The following ESR2 variants were observed in gnomAD, a reference collection of about 807,000 sequenced individuals.
ESR2 encodes estrogen receptor beta.
In ESR2, 36 loss-of-function variants were observed where a neutral mutation model predicts 49.6. The ratio of observed to expected loss-of-function variants is 0.73; its 90% CI spans 0.56 to 0.96. The LOEUF (loss-of-function observed/expected upper bound fraction) is 0.96. Ranked by LOEUF, ESR2 falls within the 40% of genes least tolerant of loss-of-function variation. The probability of loss-of-function intolerance (pLI) is 0.00; values close to 1 mark genes in which losing one functional copy is unlikely to be tolerated. For missense variants in ESR2, 714 were observed against 693.0 expected (o/e 1.03, Z -0.34); for synonymous variants, 320 against 266.1 (o/e 1.20, Z -1.97).
intron 3 of ESR2, among the ~76,000 whole-genome samples, chr14:64,278,203 A>G (rs2076595242): frequency 6.6e-6 from 1 of 152,252 alleles, no homozygotes; most frequent in Admixed American, 6.5e-5. Context: ...ATATTTGAGC[A>G]CTGAATATGT....
rs1292696981 is a variant in ESR2 at position 64,229,646 on chromosome 14, C to G, written c.*3491G>C. ...ACTGTTTGAAGTGCATGGTCACTGT[C>G]AGCACTGGACTTGGACTGCCTGTGT... On this transcript the variant is annotated 3_prime_UTR_variant, in exon 9 of 9. Transcript: ENST00000341099. 6.6e-6 allele frequency among the ~76,000 whole-genome samples: 1 copy of G among 152,200 alleles called. No individual in the cohort carries two copies. Among genetic ancestry groups the G allele is most frequent in the African/African-American group, 2.4e-5 (1 of 41,454 alleles).
At chr14:64,295,773 T>G (rs910260432), upstream of ESR2, among the ~76,000 whole-genome samples, 1 of 152,142 alleles carries the variant, frequency 6.6e-6, no homozygotes, top group African/African-American at 2.4e-5. Context: ...TGGCCAGGCA[T>G]GGTGGCTCAC....
chr14:64,322,100 C>T (rs1204601229), intron 1 of ESR2, among the ~76,000 whole-genome samples: 2 of 151,966 alleles, frequency 1.3e-5, no homozygotes, highest in Admixed American at 1.3e-4. Context: ...CTCTTGTCAC[C>T]CAGGCTGGAG....
chr14:64,264,215 A>T (rs1263337481), intron 4 of ESR2, among the ~76,000 whole-genome samples: 2 of 152,214 alleles, frequency 1.3e-5, no homozygotes, highest in African/African-American at 2.4e-5. Context: ...TTACATTTTT[A>T]AAAATAAATA....
chr14:64,275,776 G>A (rs2076547016), intron 3 of ESR2, among the ~76,000 whole-genome samples: 1 of 152,090 alleles, frequency 6.6e-6, no homozygotes, highest in Admixed American at 6.6e-5. Flanking sequence ...CTCAAAATAT[G>A]AGGTTACAAA....
At position 64,284,682 on chromosome 14, in the gene ESR2, C is replaced by T. The variant is rs116240124; in HGVS notation, c.-90-1607G>A. Among the ~76,000 whole-genome samples, 534 of 152,124 alleles carry T rather than the reference C, an allele frequency of 3.5e-3. 9 individuals are homozygous for T. The highest frequency in any genetic ancestry group is 0.013 in the African/African-American group (520 of 41,474). On this transcript the variant is annotated intron_variant, in intron 1 of 8. Transcript: ENST00000341099. ...AATTCATCACTTTCTTTCCCAAAACCACTCATTTCCTATTTGTGTTAATAG... is the reference window on the plus strand; with the variant it reads ...AATTCATCACTTTCTTTCCCAAAACTACTCATTTCCTATTTGTGTTAATAG...
At chr14:64,277,383 T>C (rs866869043) in intron 3 of ESR2, among the ~76,000 whole-genome samples, 3 of 152,062 alleles carry the variant, frequency 2.0e-5, no homozygotes, top group Non-Finnish European at 4.4e-5. Flanking sequence ...CCCAGCACTT[T>C]GGGAGGCCGA....
intron 8 of ESR2, 61 bp from the exon 9 acceptor site, chr14:64,233,384 C>G (rs1252990957): frequency 1.3e-6 from 2 of 1,526,656 alleles, no homozygotes; most frequent in African/African-American, 1.4e-5. Context: ...AACCCCGAAG[C>G]CTTCCCCGGC....
At chr14:64,261,930 T>C (rs554301344) in intron 4 of ESR2, among the ~76,000 whole-genome samples, 12 of 152,174 alleles carry the variant, frequency 7.9e-5, no homozygotes, top group African/African-American at 2.6e-4. Context: ...TTTTAAATTT[T>C]TTTGTAGAAC....
At chr14:64,265,341 T>C (rs931463381) in intron 4 of ESR2, among the ~76,000 whole-genome samples, 1 of 152,232 alleles carries the variant, frequency 6.6e-6, no homozygotes, top group African/African-American at 2.4e-5. Flanking sequence ...AGGCATTGCA[T>C]ATTGCACATG....
At chr14:64,290,873 A>T (rs930160578) in intron 1 of ESR2, among the ~76,000 whole-genome samples, 1 of 152,194 alleles carries the variant, frequency 6.6e-6, no homozygotes, top group Non-Finnish European at 1.5e-5. Context: ...AATGAGGAAA[A>T]GCTAATTCTC....
chr14:64,255,926 T>G (rs1472839631), intron 6 of ESR2, among the ~76,000 whole-genome samples: 2 of 152,206 alleles, frequency 1.3e-5, no homozygotes, highest in East Asian at 3.8e-4. Flanking sequence ...TGCAGAACAG[T>G]GCTCTTTTAA....
At chr14:64,258,940 C>T (rs529985386) in intron 5 of ESR2, among the ~76,000 whole-genome samples, 24 of 152,288 alleles carry the variant, frequency 1.6e-4, no homozygotes, top group Middle Eastern at 6.8e-3. Context: ...ATTATGTCTA[C>T]GTTTCCTGAA....
intron 1 of ESR2, among the ~76,000 whole-genome samples, chr14:64,291,825 GT>G (rs1199837910): frequency 3.3e-5 from 5 of 151,566 alleles, no homozygotes; most frequent in Admixed American, 3.3e-4. Flanking sequence ...TTCAATCCCT[GT>G]TTTGCTTCTC....
At chr14:64,227,431 C>T, downstream of ESR2, 16 of 1,364,180 alleles carry the variant, frequency 1.2e-5, no homozygotes, top group Non-Finnish European at 1.4e-5. Context: ...TTAACTCTTT[C>T]TTTAAAATTA....
At chr14:64,255,866 C>G (rs1351316289) in intron 6 of ESR2, among the ~76,000 whole-genome samples, 1 of 152,240 alleles carries the variant, frequency 6.6e-6, no homozygotes, top group Non-Finnish European at 1.5e-5. Context: ...CAAGTCACAT[C>G]AGTCCTCCAG....
chr14:64,252,374 G>A (rs1179362082), intron 6 of ESR2, among the ~76,000 whole-genome samples: 1 of 151,472 alleles, frequency 6.6e-6, no homozygotes, highest in East Asian at 1.9e-4. Flanking sequence ...TTGAAACAAT[G>A]TATCAACCAA....
At chr14:64,281,989 TTGAAAC>T (rs1274975476) in intron 2 of ESR2, among the ~76,000 whole-genome samples, 1 of 152,222 alleles carries the variant, frequency 6.6e-6, no homozygotes, top group African/African-American at 2.4e-5. Context: ...TAAGAAGACT[TTGAAAC>T]TGAAAGTAAA....
intron 1 of ESR2, among the ~76,000 whole-genome samples, chr14:64,311,984 T>C (rs1474917651): frequency 6.6e-6 from 1 of 152,172 alleles, no homozygotes; most frequent in Non-Finnish European, 1.5e-5. Context: ...TTTTCTAAAA[T>C]ATGTTTGATG....
Sources: allele counts gnomAD v4.1 joint callset (sites outside exome capture counted in the v4.1 genomes callset), GRCh38; gene constraint gnomAD v4.1.1; transcripts MANE v1.5; gene names NCBI Gene and HGNC (gene_info 2026-07-23, HGNC 2026-07-21).